SIGLEC5: variants seen among roughly 807,000 people sequenced by gnomAD.
SIGLEC5 encodes sialic acid-binding Ig-like lectin 5.
A neutral mutation model predicts 45.9 loss-of-function variants in SIGLEC5; 34 were observed. The ratio of observed to expected loss-of-function variants is 0.74; its 90% CI spans 0.56 to 0.99. SIGLEC5 has a LOEUF of 0.99. Among genes scored for constraint, SIGLEC5 ranks in the 50% least tolerant of loss-of-function variants. The probability of loss-of-function intolerance (pLI) is 0.00; values close to 1 mark genes in which losing one functional copy is unlikely to be tolerated. For synonymous variants in SIGLEC5, 203 were observed against 258.6 expected (o/e 0.79, Z 2.06); for missense variants, 508 against 629.6 (o/e 0.81, Z 2.07).
intron 4 of SIGLEC5, 137 bp from the exon 5 acceptor site, chr19:51,628,228 C>T: frequency 9.9e-7 from 1 of 1,011,562 alleles, no homozygotes; most frequent in Non-Finnish European, 1.4e-6. Context: ...CATCCTGGTT[C>T]AAAGGCTGGG....
intron 8 of SIGLEC5, among the ~76,000 whole-genome samples, chr19:51,622,609 A>G (rs1235457495): frequency 6.6e-6 from 1 of 152,234 alleles, no homozygotes; most frequent in Non-Finnish European, 1.5e-5. Context: ...TTGGAGTAGA[A>G]TAGAGACCAC....
intron 8 of SIGLEC5, among the ~76,000 whole-genome samples, chr19:51,616,883 C>G (rs2122617442): frequency 8.6e-6 from 1 of 116,080 alleles, no homozygotes; most frequent in East Asian, 2.8e-4. Context: ...TGCACTCCAG[C>G]CTGGGCAACA....
At chr19:51,617,211 C>T (rs867374092) in intron 8 of SIGLEC5, among the ~76,000 whole-genome samples, 3 of 144,944 alleles carry the variant, frequency 2.1e-5, no homozygotes, top group East Asian at 2.1e-4. Flanking sequence ...GAGGAGATCG[C>T]GCCACTGCAC....
intron 8 of SIGLEC5, among the ~76,000 whole-genome samples, chr19:51,617,251 C>G (rs1440104712): frequency 1.4e-5 from 2 of 143,256 alleles, no homozygotes; most frequent in Admixed American, 7.1e-5. Flanking sequence ...CAAGACTCCA[C>G]CTTAAAAAAA....
Position 51,612,179 on chromosome 19 carries a change from C to A in SIGLEC5, c.*52G>T. 2 of 1,460,692 alleles carry A rather than the reference C, an allele frequency of 1.4e-6. No individual in the cohort carries two copies. The highest frequency in any genetic ancestry group is 1.4e-5 in the South Asian group (1 of 73,900). The allele number at this position is 1,460,692 out of a possible 1,614,324, so 90.5% of individuals were successfully genotyped here. A position where few individuals can be genotyped will look rare whatever the true frequency, so the allele number is the denominator to read the frequency against. On this transcript the variant is annotated 3_prime_UTR_variant, in exon 9 of 9. Coordinates refer to ENST00000683636, the MANE Select transcript of SIGLEC5 (RefSeq NM_003830.4). ...GCAAGTGGTCCCTGACTTGTCCTTT[C>A]CCCCAGACAGGCTGTGGCTCCTCCA... is the stretch of plus-strand genomic sequence containing the variant.
intron 8 of SIGLEC5, among the ~76,000 whole-genome samples, chr19:51,612,748 C>T (rs1982906550): frequency 6.6e-6 from 1 of 152,202 alleles, no homozygotes; most frequent in Non-Finnish European, 1.5e-5. Context: ...CAGCAACCAC[C>T]TCTCAGTCAC....
In SIGLEC5 at chr19:51,630,168, A is replaced by G. The variant is rs1169498794; in HGVS notation, c.86T>C (p.Val29Ala). 7.4e-5 allele frequency: 41 copies of G among 556,968 alleles called. No individual in the cohort carries two copies. The African/African-American group carries it at 1.5e-3, about 20-fold the overall frequency. 34.5% of individuals were successfully genotyped at this position (556,968 alleles called of 1,614,324 possible). The change falls in exon 2 of 9, where the codon GTG becomes GCG. Residue 29 changes from valine to alanine, a missense_variant. Physicochemically the swap from Val to Ala is moderately conservative, Grantham distance 64. Transcript: ENST00000683636. The part of the protein sequence containing the change: ...PVYELQVQKS[V>A]TVQEGLCVLV... ...GACGCACAGGCCCTCCTGCACCGTCACCGACTTCTGCACTTGCAGCTCGTA... is the reference window on the plus strand; with the variant it reads ...GACGCACAGGCCCTCCTGCACCGTCGCCGACTTCTGCACTTGCAGCTCGTA...
chr19:51,625,976 C>T lies in SIGLEC5; in HGVS notation c.1464+56G>A, dbSNP rs1983461826. ...GTGGGTTTGGTGGAATGCTGAAGAG[C>T]TCAGCCTGGACTTTCCGAGTGGACA... is the stretch of plus-strand genomic sequence containing the variant. On this transcript the variant is annotated intron_variant, in intron 8 of 8. Coordinates refer to ENST00000683636, the MANE Select transcript of SIGLEC5 (RefSeq NM_003830.4). The T allele has an allele frequency of 2.8e-6, 4 of 1,441,404 alleles. No homozygotes were observed. In the Admixed American group the frequency reaches 5.0e-5, roughly 18 times the overall value. 89.3% of individuals were successfully genotyped at this position (1,441,404 alleles called of 1,614,324 possible). A position where few individuals can be genotyped will look rare whatever the true frequency, so the allele number is the denominator to read the frequency against.
At chr19:51,629,175 G>A (rs1983629547) in intron 3 of SIGLEC5, 99 bp from the exon 4 acceptor site, 3 of 1,524,192 alleles carry the variant, frequency 2.0e-6, no homozygotes, top group Non-Finnish European at 2.7e-6. Context: ...CCCACCAAGC[G>A]GGGAAGGCTG....
At chr19:51,626,857 AAAAG>A (rs1227792075) in intron 7 of SIGLEC5, among the ~76,000 whole-genome samples, 2 of 152,270 alleles carry the variant, frequency 1.3e-5, no homozygotes, top group African/African-American at 2.4e-5. Flanking sequence ...AGAAAAGAAA[AAAAG>A]AAAGAAGACC....
chr19:51,628,964 G>T, intron 4 of SIGLEC5, 74 bp downstream of exon 4: 1 of 1,400,406 alleles, frequency 7.1e-7, no homozygotes, highest in Non-Finnish European at 1.0e-6. Flanking sequence ...TTGCATTCAA[G>T]CTCTGATTCT....
chr19:51,627,673 G>C lies in SIGLEC5; in HGVS notation c.1071C>G (p.Ala357=), dbSNP rs770315173. Residue 357 remains alanine (A), a synonymous_variant, in exon 6 of 9, where the codon GCC becomes GCG. Coordinates refer to ENST00000683636, the MANE Select transcript of SIGLEC5 (RefSeq NM_003830.4). ...EGLHCRCSFR[A]RPAPSLCWRL... ...GCCAGCACAGGGAGGGGGCCGGCCG[G>C]GCTCGAAAGGAGCATCTGCAGTGCA... 1.2e-6 allele frequency: 2 copies of C among 1,610,286 alleles called. No individual in the cohort carries two copies. Among genetic ancestry groups the C allele is most frequent in the African/African-American group, 1.3e-5 (1 of 74,954 alleles).
At chr19:51,618,723 T>A (rs1600100320) in intron 8 of SIGLEC5, among the ~76,000 whole-genome samples, 1 of 126,278 alleles carries the variant, frequency 7.9e-6, no homozygotes, top group Admixed American at 1.1e-4. Flanking sequence ...ACCCAGGAGG[T>A]GGAAGTTGCA....
At chr19:51,625,604 C>T (rs369802739) in intron 8 of SIGLEC5, among the ~76,000 whole-genome samples, 6 of 151,918 alleles carry the variant, frequency 3.9e-5, no homozygotes, top group African/African-American at 9.7e-5. Flanking sequence ...CCGAGGCGGG[C>T]GGATCACCTG....
In SIGLEC5 at chr19:51,611,484, T is replaced by C. The variant is rs576171428; in HGVS notation, c.*747A>G. On this transcript the variant is annotated 3_prime_UTR_variant, in exon 9 of 9. Transcript: ENST00000683636. ...CAAGAGGAAAGTATAAATGAATAGA[T>C]AGCAGGGAGATCATGAAGGACTTTA... 1.5e-4 allele frequency among the ~76,000 whole-genome samples: 23 copies of C among 152,178 alleles called. No homozygotes were observed. Among genetic ancestry groups the C allele is most frequent in the East Asian group, 1.2e-3 (6 of 5,190 alleles).
At chr19:51,614,265 T>C (rs1982968001) in intron 8 of SIGLEC5, among the ~76,000 whole-genome samples, 1 of 152,148 alleles carries the variant, frequency 6.6e-6, no homozygotes, top group Non-Finnish European at 1.5e-5. Flanking sequence ...CACCTCAGCT[T>C]CCTGAGTAGC....
chr19:51,612,099 G>A lies in SIGLEC5; in HGVS notation c.*132C>T. ...CCACCTCTCTAATTCCATCTGCTTG[G>A]AGCACTTAAACATCAGTTAATGTTA... On this transcript the variant is annotated 3_prime_UTR_variant, in exon 9 of 9. Coordinates refer to ENST00000683636, the MANE Select transcript of SIGLEC5 (RefSeq NM_003830.4). 6.6e-6 allele frequency: 1 copy of A among 152,328 alleles called. No individual in the cohort carries two copies. The highest frequency in any genetic ancestry group is 1.1e-5 in the Non-Finnish European group (1 of 91,986). The allele number at this position is 152,328 out of a possible 1,614,324, so 9.4% of individuals were successfully genotyped here.
rs929075480 is a variant in SIGLEC5 at position 51,629,056 on chromosome 19, T to A, written c.721A>T (p.Ile241Phe). Residue 241 changes from isoleucine (I) to phenylalanine (F), a missense_variant, in exon 4 of 9, where the codon ATC (isoleucine) becomes TTC (phenylalanine). By Grantham distance (21) the Ile-to-Phe change is conservative. This residue lies in a region of SIGLEC5 where 431 missense variants were observed against 428.8 expected (regional missense o/e 1.01). Transcript: ENST00000683636. Reference protein sequence around the residue: ...NVSYAPQTITIFRNGIALEIL... With the variant: ...NVSYAPQTITFFRNGIALEIL... The stretch of plus-strand genomic sequence containing the variant: ...TTCCTACCTATGCCGTTCCTGAAGA[T>A]GGTGATGGTCTGTGGAGCATCTGGG... 1.2e-6 allele frequency: 2 copies of A among 1,613,806 alleles called. No individual in the cohort carries two copies. The highest frequency in any genetic ancestry group is 1.7e-6 in the Non-Finnish European group (2 of 1,179,918).
chr19:51,626,826 A>G (rs1444322728), intron 7 of SIGLEC5, among the ~76,000 whole-genome samples: 1 of 152,236 alleles, frequency 6.6e-6, no homozygotes, highest in Non-Finnish European at 1.5e-5. Flanking sequence ...TGTACAAAAC[A>G]TGTATCTCAA....
Sources: gnomAD v4.1 joint callset for allele counts (sites outside exome capture counted in the v4.1 genomes callset) on GRCh38, gnomAD v4.1.1 for gene constraint, gnomAD v4.1.1 regional missense constraint, MANE v1.5 for transcripts, NCBI Gene and HGNC (gene_info 2026-07-23, HGNC 2026-07-21) for gene names.